The following SLC66A2 variants were observed in gnomAD, a reference collection of about 807,000 sequenced individuals.
SLC66A2 encodes the protein solute carrier family 66 member 2.
SLC66A2 carries 23 observed loss-of-function variants against 25.5 expected under a neutral mutation model. The observed-to-expected ratio is 0.90, with a 90% confidence interval of 0.65 to 1.28. The LOEUF is 1.28. Among genes scored for constraint, SLC66A2 ranks in the 50% most tolerant of loss-of-function variants. The pLI, the probability that SLC66A2 is intolerant of heterozygous loss-of-function variation, is 0.00. For missense variants in SLC66A2, 396 were observed against 373.1 expected, an observed-to-expected ratio of 1.06 and a Z score of -0.51; for synonymous variants, 193 against 166.5, an observed-to-expected ratio of 1.16 and a Z score of -1.23.
At chr18:79,947,088 C>G (rs1301251383) in intron 2 of SLC66A2, among the ~76,000 whole-genome samples, 1 of 152,190 alleles carries the variant, frequency 6.6e-6, no homozygotes, top group African/African-American at 2.4e-5. Context: ...TTTCATTCCT[C>G]CATCTAAGAG....
In SLC66A2 at chr18:79,937,182, C is replaced by T. The variant is rs1987175705; in HGVS notation, c.338-3160G>A. On this transcript the variant is annotated intron_variant, in intron 3 of 5. Coordinates refer to ENST00000397778, the MANE Select transcript of SLC66A2 (RefSeq NM_025078.5). The surrounding 1 kb of genome is among the most constrained non-coding windows in gnomAD (Gnocchi z 5.4). ...CTCACACATGCCTAGGCCGTGGTCTCCAAACACTGTGTCCCAGATACCAGA... is the reference window on the plus strand; with the variant it reads ...CTCACACATGCCTAGGCCGTGGTCTTCAAACACTGTGTCCCAGATACCAGA... Among the ~76,000 whole-genome samples, 2 of 152,200 alleles carry T rather than the reference C, an allele frequency of 1.3e-5. No individual in the cohort carries two copies. Among genetic ancestry groups the T allele is most frequent in the African/African-American group, 4.8e-5 (2 of 41,448 alleles).
In SLC66A2 at chr18:79,937,499, C is replaced by T. The variant is rs1308298535; in HGVS notation, c.338-3477G>A. Among the ~76,000 whole-genome samples the T allele has an allele frequency of 1.3e-5, 2 of 152,152 alleles. No homozygotes were observed. Among genetic ancestry groups the T allele is most frequent in the East Asian group, 1.9e-4 (1 of 5,196 alleles). On this transcript the variant is annotated intron_variant, in intron 3 of 5. Coordinates refer to ENST00000397778, the MANE Select transcript of SLC66A2 (RefSeq NM_025078.5). This position sits in a 1 kb window ranked among gnomAD's most constrained non-coding sequence, Gnocchi z 5.4. The stretch of plus-strand genomic sequence containing the variant: ...AACTTTGAAAACTGGTAAAGAGACC[C>T]GCATTTCCTTTATAAATTACACCTG...
At chr18:79,906,261 G>A (rs1285880033) in intron 5 of SLC66A2, among the ~76,000 whole-genome samples, 1 of 152,128 alleles carries the variant, frequency 6.6e-6, no homozygotes, top group Non-Finnish European at 1.5e-5. Context: ...TGTTAGCTCC[G>A]TTATTTCCTT....
At chr18:79,914,995 T>G (rs1373725240) in intron 5 of SLC66A2, among the ~76,000 whole-genome samples, 1 of 152,100 alleles carries the variant, frequency 6.6e-6, no homozygotes, top group Non-Finnish European at 1.5e-5. Context: ...GCAGCAGAAA[T>G]AAGGACGTGC....
At chr18:79,949,802 A>T (rs2051056704) in intron 2 of SLC66A2, 1 of 152,256 alleles carries the variant, frequency 6.6e-6, no homozygotes, top group Non-Finnish European at 1.5e-5. Context: ...TCATAGGAAG[A>T]GCAGCAGACA....
In SLC66A2 at chr18:79,903,967, T is replaced by A; in HGVS notation, c.*9A>T. 6.3e-7 allele frequency: 1 copy of A among 1,590,698 alleles called. No individual in the cohort carries two copies. Among genetic ancestry groups the A allele is most frequent in the Non-Finnish European group, 8.5e-7 (1 of 1,170,738 alleles). ...GGCTGGCGGTCCCACATCCTCGTCC[T>A]CCCCACTGTCAGAGGGCCTTGGTGC... On this transcript the variant is annotated 3_prime_UTR_variant, in exon 6 of 6. Transcript: ENST00000397778.
intron 2 of SLC66A2, chr18:79,945,332 G>T: frequency 6.6e-6 from 1 of 152,586 alleles, no homozygotes. Flanking sequence ...AGAGGGAAGG[G>T]CAGAGAAAAC....
chr18:79,912,150 C>T (rs1253153244), intron 5 of SLC66A2, among the ~76,000 whole-genome samples: 4 of 132,242 alleles, frequency 3.0e-5, no homozygotes, highest in Admixed American at 7.6e-5. Context: ...AGGGAGGGGA[C>T]GGCAGCAGCG....
intron 2 of SLC66A2, among the ~76,000 whole-genome samples, chr18:79,946,002 G>A (rs1165164110): frequency 2.0e-5 from 3 of 152,224 alleles, no homozygotes; most frequent in South Asian, 2.1e-4. Context: ...GAGGCTGCAC[G>A]TGAGCCATTT....
intron 4 of SLC66A2, among the ~76,000 whole-genome samples, chr18:79,925,262 C>T (rs112060740): frequency 9.2e-5 from 14 of 152,070 alleles, no homozygotes; most frequent in Non-Finnish European, 4.4e-5. Context: ...CGACAGAAAT[C>T]CAAGAGGGCA....
intron 5 of SLC66A2, among the ~76,000 whole-genome samples, chr18:79,909,948 CCCCACAACCT>C (rs1982784487): frequency 7.2e-6 from 1 of 139,414 alleles, no homozygotes. Flanking sequence ...CCCCAACCTT[CCCCACAACCT>C]CACCAGAGTC....
chr18:79,937,500 G>A lies in SLC66A2; in HGVS notation c.338-3478C>T, dbSNP rs535302869. Among the ~76,000 whole-genome samples the A allele has an allele frequency of 7.2e-5, 11 of 152,252 alleles. No individual in the cohort carries two copies. The highest frequency in any genetic ancestry group is 3.9e-4 in the East Asian group (2 of 5,180). On this transcript the variant is annotated intron_variant, in intron 3 of 5. Coordinates refer to ENST00000397778, the MANE Select transcript of SLC66A2 (RefSeq NM_025078.5). This position sits in a 1 kb window ranked among gnomAD's most constrained non-coding sequence, Gnocchi z 5.4. ...ACTTTGAAAACTGGTAAAGAGACCC[G>A]CATTTCCTTTATAAATTACACCTGT... is the stretch of plus-strand genomic sequence containing the variant.
chr18:79,934,564 G>A (rs1212292037), intron 3 of SLC66A2, among the ~76,000 whole-genome samples: 2 of 152,180 alleles, frequency 1.3e-5, no homozygotes, highest in African/African-American at 4.8e-5. Flanking sequence ...CAGACACAGG[G>A]ACAATGTGAC....
At chr18:79,919,893 CA>C (rs199635795) in intron 4 of SLC66A2, among the ~76,000 whole-genome samples, 1 of 7,934 alleles carries the variant, frequency 1.3e-4, no homozygotes, top group African/African-American at 1.4e-4. Context: ...TGAGGAGAGA[CA>C]GGAACCGAGT....
Position 79,918,341 on chromosome 18 carries a change from T to C in SLC66A2, c.608+843A>G, listed in dbSNP as rs1020874803. ...TCAGCATCTGTATTGGAGACCAGAC[T>C]CAAGCAACGTGTGGGGGCTCAGGGT... On this transcript the variant is annotated intron_variant, in intron 5 of 5. Transcript: ENST00000397778. The surrounding 1 kb of genome is among the most constrained non-coding windows in gnomAD (Gnocchi z 4.0). Among the ~76,000 whole-genome samples the C allele has an allele frequency of 6.6e-6, 1 of 150,886 alleles. No individual in the cohort carries two copies. Among genetic ancestry groups the C allele is most frequent in the East Asian group, 2.0e-4 (1 of 5,100 alleles).
intron 2 of SLC66A2, chr18:79,949,664 A>G (rs906220406): frequency 6.6e-6 from 1 of 152,456 alleles, no homozygotes; most frequent in African/African-American, 2.4e-5. Flanking sequence ...CTCTGTCTCA[A>G]AAAAAAACAA....
Position 79,951,577 on chromosome 18 carries a change from T to A in SLC66A2, c.-100+4A>T, listed in dbSNP as rs2051130411. On this transcript the variant is annotated splice_donor_region_variant and intron_variant, in intron 1 of 5. Transcript: ENST00000397778. Reference sequence around the variant, plus strand: ...GGACCCCGCGCCGCCCCCGCGCTCCTTACCTGCGCCCCCAGCCCCGCGCCC... The same window carrying A: ...GGACCCCGCGCCGCCCCCGCGCTCCATACCTGCGCCCCCAGCCCCGCGCCC... 1 of 151,302 alleles carries A rather than the reference T, an allele frequency of 6.6e-6. No individual in the cohort carries two copies. The highest frequency in any genetic ancestry group is 2.4e-5 in the African/African-American group (1 of 41,144). The allele number at this position is 151,302 out of a possible 1,614,324, so 9.4% of individuals were successfully genotyped here. A position where few individuals can be genotyped will look rare whatever the true frequency, so the allele number is the denominator to read the frequency against.
rs1987173923 is a variant in SLC66A2 at position 79,937,171 on chromosome 18, G to C, written c.338-3149C>G. Among the ~76,000 whole-genome samples, 1 of 152,170 alleles carries C rather than the reference G, an allele frequency of 6.6e-6. No homozygotes were observed. Among genetic ancestry groups the C allele is most frequent in the Admixed American group, 6.5e-5 (1 of 15,270 alleles). ...GTAGGCCAACCCTCACACATGCCTA[G>C]GCCGTGGTCTCCAAACACTGTGTCC... On this transcript the variant is annotated intron_variant, in intron 3 of 5. Transcript: ENST00000397778. The surrounding 1 kb of genome is among the most constrained non-coding windows in gnomAD (Gnocchi z 5.4).
At chr18:79,929,030 G>A (rs1986292314) in intron 4 of SLC66A2, among the ~76,000 whole-genome samples, 1 of 152,188 alleles carries the variant, frequency 6.6e-6, no homozygotes, top group Admixed American at 6.5e-5. Context: ...GCTCTCCCTA[G>A]AGGGACTCCC....
Sources: gnomAD v4.1 joint callset for allele counts (sites outside exome capture counted in the v4.1 genomes callset) on GRCh38, gnomAD v4.1.1 for gene constraint, Gnocchi (gnomAD v3.1) non-coding constraint, MANE v1.5 for transcripts, NCBI Gene and HGNC (gene_info 2026-07-23, HGNC 2026-07-21) for gene names.